The following SDK1 variants were observed in gnomAD, a reference collection of about 807,000 sequenced individuals.
The protein encoded by SDK1 is protein sidekick-1.
In SDK1, 157 loss-of-function variants were observed where a neutral mutation model predicts 245.5. That is an observed-to-expected ratio of 0.64 (90% confidence interval 0.56 to 0.73). The LOEUF is 0.73. Among genes scored for constraint, SDK1 ranks in the 30% least tolerant of loss-of-function variants. The probability of loss-of-function intolerance (pLI) is 0.00; values close to 1 mark genes in which losing one functional copy is unlikely to be tolerated. For synonymous variants in SDK1, 1,647 were observed against 1,278.5 expected, an observed-to-expected ratio of 1.29 and a Z score of -6.15; for missense variants, 3,583 against 3,002.3, an observed-to-expected ratio of 1.19 and a Z score of -4.52.
chr7:3,547,681 A>G (rs1199514079), intron 1 of SDK1, among the ~76,000 whole-genome samples: 1 of 152,180 alleles, frequency 6.6e-6, no homozygotes, highest in Non-Finnish European at 1.5e-5. Flanking sequence ...GACTCTGTAG[A>G]TCACTGTTAA....
rs566638034 is a variant in SDK1, at chr7:3,853,918, G to A, written c.847+32335G>A. ...GCAGGAGAATTGCTTGAACTCGAGA[G>A]GCAAATGTTGGAGTGAGCCGAGATT... On this transcript the variant is annotated intron_variant, in intron 5 of 44. Coordinates refer to ENST00000404826, the MANE Select transcript of SDK1 (RefSeq NM_152744.4). Among the ~76,000 whole-genome samples, 10 of 152,176 alleles carry A rather than the reference G, an allele frequency of 6.6e-5. No individual in the cohort carries two copies. In the East Asian group the frequency reaches 1.9e-3, roughly 29 times the overall value.
intron 1 of SDK1, among the ~76,000 whole-genome samples, chr7:3,586,085 C>G (rs865996784): frequency 5.0e-4 from 76 of 152,018 alleles, no homozygotes; most frequent in African/African-American, 1.7e-3. Flanking sequence ...TGGGGCTGGC[C>G]CAGGAGAGAA....
At chr7:4,037,326 G>T (rs976371279) in intron 17 of SDK1, among the ~76,000 whole-genome samples, 5 of 152,226 alleles carry the variant, frequency 3.3e-5, no homozygotes, top group African/African-American at 1.2e-4. Flanking sequence ...TCTCTCAAAA[G>T]AAATTCTTGG....
In SDK1 at chr7:3,821,306, A is replaced by G. The variant is rs551239788; in HGVS notation, c.714-144A>G. 3 of 867,082 alleles carry G rather than the reference A, an allele frequency of 3.5e-6. No individual in the cohort carries two copies. In the East Asian group the frequency reaches 8.2e-5, roughly 24 times the overall value. 53.7% of individuals were successfully genotyped at this position (867,082 alleles called of 1,614,324 possible). A position where few individuals can be genotyped will look rare whatever the true frequency, so the allele number is the denominator to read the frequency against. The stretch of plus-strand genomic sequence containing the variant: ...CTCTCTGGCGTTGTCGTATTCTTAA[A>G]GTCGGCCTGTGTATTGTTTTTGTCC... On this transcript the variant is annotated intron_variant, in intron 4 of 44. Transcript: ENST00000404826.
intron 22 of SDK1, among the ~76,000 whole-genome samples, chr7:4,109,067 C>G (rs1783147431): frequency 6.6e-6 from 1 of 152,204 alleles, no homozygotes; most frequent in Admixed American, 6.5e-5. Flanking sequence ...TTTATCCACT[C>G]AGTGCTGGGC....
intron 1 of SDK1, among the ~76,000 whole-genome samples, chr7:3,509,438 A>G (rs1042323527): frequency 6.6e-6 from 1 of 152,158 alleles, no homozygotes; most frequent in Admixed American, 6.5e-5. Flanking sequence ...GATAATACAC[A>G]CCTTCTTAGA....
chr7:3,943,310 C>T (rs529210266), intron 5 of SDK1, among the ~76,000 whole-genome samples: 129 of 148,018 alleles, frequency 8.7e-4, no homozygotes, highest in African/African-American at 2.8e-3. Context: ...CCGGACTTCC[C>T]GCCTTCCCAC....
intron 1 of SDK1, among the ~76,000 whole-genome samples, chr7:3,561,093 T>G (rs1236575878): frequency 6.6e-6 from 1 of 152,078 alleles, no homozygotes; most frequent in African/African-American, 2.4e-5. Context: ...TCCCCACCCC[T>G]AGTGCAATGC....
chr7:3,970,085 A>C (rs1434302075), intron 11 of SDK1, among the ~76,000 whole-genome samples: 1 of 152,200 alleles, frequency 6.6e-6, no homozygotes, highest in African/African-American at 2.4e-5. Context: ...TTTAACTTCA[A>C]TTGCCAATAC....
intron 1 of SDK1, among the ~76,000 whole-genome samples, chr7:3,303,347 T>C (rs1779332085): frequency 6.6e-6 from 1 of 152,174 alleles, no homozygotes; most frequent in African/African-American, 2.4e-5. Context: ...TTTTAAACAG[T>C]GACTTGCATT....
chr7:4,221,171 TCTCACGGGGTGGGATGTGAGCCC>T, intron 39 of SDK1, 45 bp from the exon 40 acceptor site: 1 of 1,585,656 alleles, frequency 6.3e-7, no homozygotes, highest in Non-Finnish European at 8.6e-7. Context: ...CACTGTGAAA[TCTCACGGGGTGGGATGTGAGCCC>T]CGCAGGGCTG....
intron 4 of SDK1, among the ~76,000 whole-genome samples, chr7:3,683,886 C>T (rs1230752771): frequency 6.6e-6 from 1 of 152,166 alleles, no homozygotes; most frequent in East Asian, 1.9e-4. Flanking sequence ...TAGGGCTGGG[C>T]AAATTGTGGC....
chr7:3,783,101 T>C lies in SDK1; in HGVS notation c.714-38349T>C, dbSNP rs28839918. On this transcript the variant is annotated intron_variant, in intron 4 of 44. Transcript: ENST00000404826. ...CAATAAATGTGATATATCACATTAATGGAATGAAGGACAAAAGCCATGTGC... is the reference window on the plus strand; with the variant it reads ...CAATAAATGTGATATATCACATTAACGGAATGAAGGACAAAAGCCATGTGC... 5.6e-3 allele frequency among the ~76,000 whole-genome samples: 846 copies of C among 152,346 alleles called. 9 individuals carry two copies. Among genetic ancestry groups the C allele is most frequent in the African/African-American group, 0.02 (813 of 41,586 alleles).
intron 8 of SDK1, 80 bp from the exon 9 acceptor site, chr7:3,962,577 C>T: frequency 1.6e-6 from 2 of 1,233,414 alleles, no homozygotes; most frequent in Non-Finnish European, 1.1e-6. Context: ...TATTGGCATT[C>T]TAGCCTTTGA....
chr7:3,555,706 G>C (rs1779566822), intron 1 of SDK1, among the ~76,000 whole-genome samples: 1 of 152,086 alleles, frequency 6.6e-6, no homozygotes, highest in Non-Finnish European at 1.5e-5. Flanking sequence ...TATATAAGGA[G>C]TTCAAGCAAC....
intron 4 of SDK1, among the ~76,000 whole-genome samples, chr7:3,740,630 A>C (rs1779452118): frequency 6.6e-6 from 1 of 152,174 alleles, no homozygotes; most frequent in African/African-American, 2.4e-5. Context: ...CAGCTCCTGT[A>C]GTTGCAAGAC....
intron 1 of SDK1, among the ~76,000 whole-genome samples, chr7:3,391,567 T>C (rs1318177886): frequency 2.0e-5 from 3 of 151,844 alleles, no homozygotes; most frequent in African/African-American, 7.3e-5. Context: ...TTTAAAAGTA[T>C]ATATATGTAC....
chr7:3,456,925 C>T (rs991453859), intron 1 of SDK1, among the ~76,000 whole-genome samples: 3 of 152,102 alleles, frequency 2.0e-5, no homozygotes, highest in African/African-American at 4.8e-5. Flanking sequence ...AATTTTAGAG[C>T]GTTTGTCTTG....
chr7:3,413,194 A>G (rs1177821953), intron 1 of SDK1, among the ~76,000 whole-genome samples: 1 of 152,170 alleles, frequency 6.6e-6, no homozygotes, highest in Admixed American at 6.5e-5. Flanking sequence ...AGGAACAACA[A>G]CTGCGAAGAT....
Sources: gnomAD v4.1 joint callset for allele counts (sites outside exome capture counted in the v4.1 genomes callset) on GRCh38, gnomAD v4.1.1 for gene constraint, MANE v1.5 for transcripts, NCBI Gene and HGNC (gene_info 2026-07-23, HGNC 2026-07-21) for gene names.